NBEA: variants seen among roughly 807,000 people sequenced by gnomAD.
NBEA encodes neurobeachin, also known as lysosomal-trafficking regulator 2.
A neutral mutation model predicts 343.4 loss-of-function variants in NBEA; 44 were observed. The observed-to-expected ratio is 0.13, with a 90% CI of 0.10 to 0.16. The LOEUF (loss-of-function observed/expected upper bound fraction) is 0.16, where lower values mean the gene tolerates loss of function less well. NBEA is among the 10% of genes least tolerant of loss of function. NBEA has a pLI of 1.00. For missense variants in NBEA, 2,555 were observed against 3,631.3 expected (o/e 0.70, Z 7.62); for synonymous variants, 1,175 against 1,238.7 (o/e 0.95, Z 1.08).
chr13:35,001,758 G>GT (rs754081128), intron 1 of NBEA, among the ~76,000 whole-genome samples: 2 of 152,052 alleles, frequency 1.3e-5, no homozygotes, highest in Admixed American at 6.6e-5. Context: ...GCACTGTAGG[G>GT]TGACTATTGT....
Position 35,472,411 on chromosome 13 carries a change from C to T in NBEA, c.6460C>T (p.Leu2154Phe). 4 of 1,613,662 alleles carry T rather than the reference C, an allele frequency of 2.5e-6. No individual in the cohort carries two copies. Among genetic ancestry groups the T allele is most frequent in the South Asian group, 1.1e-5 (1 of 91,060 alleles). ...EIDNLAGPVVLSTPAQLIAPV... is the reference protein window; with the variant it reads ...EIDNLAGPVVFSTPAQLIAPV... ...TCCTTGCCTTGCAGGCCCAGTGGTT[C>T]TCAGCACCCCTGCCCAGCTCATCGC... Residue 2154 changes from leucine to phenylalanine, a missense_variant, in exon 41 of 59, where the codon CTC becomes TTC. Coordinates refer to ENST00000379939, the MANE Select transcript of NBEA (RefSeq NM_001385012.1).
At chr13:35,490,244 A>G (rs2076453693) in intron 41 of NBEA, among the ~76,000 whole-genome samples, 1 of 151,964 alleles carries the variant, frequency 6.6e-6, no homozygotes, top group African/African-American at 2.4e-5. Context: ...GCTATGTCCT[A>G]TTTGATCTTC....
intron 38 of NBEA, among the ~76,000 whole-genome samples, chr13:35,419,228 A>G (rs2044129667): frequency 6.6e-6 from 1 of 152,040 alleles, no homozygotes; most frequent in Admixed American, 6.6e-5. Context: ...TATTTCTTGC[A>G]GTTCTAGAAG....
intron 38 of NBEA, among the ~76,000 whole-genome samples, chr13:35,407,825 A>G (rs1165361472): frequency 6.6e-6 from 1 of 152,210 alleles, no homozygotes; most frequent in African/African-American, 2.4e-5. Flanking sequence ...GATCTCTATG[A>G]GGAGACCTAC....
intron 10 of NBEA, among the ~76,000 whole-genome samples, chr13:35,087,694 T>C (rs748881900): frequency 4.0e-5 from 6 of 151,776 alleles, no homozygotes; most frequent in African/African-American, 1.5e-4. Flanking sequence ...AGCCCAAAAG[T>C]AGACATTTAT....
At chr13:35,628,051 G>T (rs2153065558) in intron 48 of NBEA, 30 bp from the exon 49 acceptor site, 4 of 1,576,572 alleles carry the variant, frequency 2.5e-6, no homozygotes, top group South Asian at 1.2e-5. Context: ...AGTTTTGATG[G>T]TCTCTCATTT....
At chr13:34,950,236 A>G (rs1566082183) in intron 1 of NBEA, among the ~76,000 whole-genome samples, 1 of 152,176 alleles carries the variant, frequency 6.6e-6, no homozygotes, top group Non-Finnish European at 1.5e-5. Flanking sequence ...GAAGAAAGAA[A>G]AAGGTGCTTT....
rs757863726 is a variant in NBEA at position 35,123,579 on chromosome 13, GT to G, written c.2336+7del. On this transcript the variant is annotated splice_donor_region_variant and intron_variant, in intron 17 of 58. Coordinates refer to ENST00000379939, the MANE Select transcript of NBEA (RefSeq NM_001385012.1). The stretch of plus-strand genomic sequence containing the variant: ...TCTGAAGCATTTAGGTCACAAGTAA[GT>G]TGATATTTGTCATAATGCATTCTAG... The G allele has an allele frequency of 7.3e-5, 106 of 1,461,890 alleles. No individual in the cohort carries two copies. Among genetic ancestry groups the G allele is most frequent in the Non-Finnish European group, 9.3e-5 (101 of 1,088,304 alleles). The allele number at this position is 1,461,890 out of a possible 1,614,324, so 90.6% of individuals were successfully genotyped here.
At chr13:35,654,746 A>T (rs1456978992) in intron 53 of NBEA, 109 bp from the exon 54 acceptor site, 7 of 854,448 alleles carry the variant, frequency 8.2e-6, no homozygotes, top group Non-Finnish European at 1.2e-5. Flanking sequence ...ACCATTAAAA[A>T]AACTATTTCT....
At chr13:35,412,103 T>A (rs1269196076) in intron 38 of NBEA, among the ~76,000 whole-genome samples, 1 of 152,146 alleles carries the variant, frequency 6.6e-6, no homozygotes, top group African/African-American at 2.4e-5. Context: ...GCAAAAAATT[T>A]GAAATCCATG....
chr13:35,221,359 A>AC (rs1281582509), intron 33 of NBEA, among the ~76,000 whole-genome samples: 3 of 151,732 alleles, frequency 2.0e-5, no homozygotes, highest in Non-Finnish European at 2.9e-5. Flanking sequence ...AAAAACAAAA[A>AC]ACTAAAAAAA....
At chr13:35,145,597 C>G (rs1273213950) in intron 18 of NBEA, among the ~76,000 whole-genome samples, 1 of 152,172 alleles carries the variant, frequency 6.6e-6, no homozygotes, top group East Asian at 1.9e-4. Flanking sequence ...ATCCCTAAAG[C>G]CCGGAGGCAG....
intron 41 of NBEA, among the ~76,000 whole-genome samples, chr13:35,530,618 G>A (rs367999361): frequency 2.0e-4 from 31 of 152,088 alleles, no homozygotes; most frequent in African/African-American, 7.2e-4. Context: ...CTGCCTTGTT[G>A]CTGCTTCAAA....
At chr13:35,029,392 G>A (rs1349035333) in intron 1 of NBEA, among the ~76,000 whole-genome samples, 1 of 151,456 alleles carries the variant, frequency 6.6e-6, no homozygotes, top group Non-Finnish European at 1.5e-5. Flanking sequence ...CAAATCCAGA[G>A]TTTGAGAGGG....
chr13:35,110,244 A>G, intron 12 of NBEA, among the ~76,000 whole-genome samples: 1 of 142,696 alleles, frequency 7.0e-6, no homozygotes, highest in Non-Finnish European at 1.5e-5. Context: ...CAAAAAACAC[A>G]TGAAGAAATG....
rs73485788 is a variant in NBEA at position 34,995,555 on chromosome 13, T to A, written c.295-45378T>A. The stretch of plus-strand genomic sequence containing the variant: ...AGGCAGCCCTCAGAACTAGAACAGG[T>A]TCCAAGAACTATCTGCTACCTGTTC... On this transcript the variant is annotated intron_variant, in intron 1 of 58. Transcript: ENST00000379939. Among the ~76,000 whole-genome samples the A allele has an allele frequency of 6.4e-3, 967 of 152,104 alleles. 11 individuals carry two copies. Among genetic ancestry groups the A allele is most frequent in the African/African-American group, 0.022 (926 of 41,496 alleles).
At chr13:35,227,913 AACTATGT>A (rs2074750494) in intron 33 of NBEA, among the ~76,000 whole-genome samples, 1 of 151,946 alleles carries the variant, frequency 6.6e-6, no homozygotes, top group Non-Finnish European at 1.5e-5. Flanking sequence ...CTTTGTTATG[AACTATGT>A]TTATAAGGGG....
chr13:35,609,176 A>G (rs2082403343), intron 48 of NBEA, among the ~76,000 whole-genome samples: 1 of 152,210 alleles, frequency 6.6e-6, no homozygotes, highest in Non-Finnish European at 1.5e-5. Context: ...GACATTTCAC[A>G]TTTATTAATT....
At chr13:35,485,346 C>A (rs1039188289) in intron 41 of NBEA, among the ~76,000 whole-genome samples, 10 of 151,996 alleles carry the variant, frequency 6.6e-5, no homozygotes, top group Non-Finnish European at 1.5e-4. Context: ...CCTGAAAAAA[C>A]CACTCTGCTG....
Sources: allele counts gnomAD v4.1 joint callset (sites outside exome capture counted in the v4.1 genomes callset), GRCh38; gene constraint gnomAD v4.1.1; transcripts MANE v1.5; gene names NCBI Gene and HGNC (gene_info 2026-07-23, HGNC 2026-07-21).